AARD: variants seen among roughly 807,000 people sequenced by gnomAD.
AARD encodes alanine and arginine rich domain containing protein, also known as alanine- and arginine-rich domain-containing protein.
In AARD, 9 loss-of-function variants were observed where a neutral mutation model predicts 9.3. That is an observed-to-expected ratio of 0.97 (90% CI 0.58 to 1.69). The LOEUF (loss-of-function observed/expected upper bound fraction) is 1.69, where lower values mean the gene tolerates loss of function less well. Ranked by LOEUF, AARD falls within the 40% of genes most tolerant of loss-of-function variation. The pLI is 0.00. For missense variants in AARD, 236 were observed against 210.3 expected (o/e 1.12, Z -0.76); for synonymous variants, 91 against 93.8 (o/e 0.97, Z 0.17).
chr8:116,944,028 A>C lies in AARD; in HGVS notation c.*1327A>C, dbSNP rs969633316. 6.6e-6 allele frequency: 1 copy of C among 152,250 alleles called. No individual in the cohort carries two copies. Among genetic ancestry groups the C allele is most frequent in the Non-Finnish European group, 1.5e-5 (1 of 68,042 alleles). 9.4% of individuals were successfully genotyped at this position (152,250 alleles called of 1,614,324 possible). A position where few individuals can be genotyped will look rare whatever the true frequency, so the allele number is the denominator to read the frequency against. ...GATATTTATAATGGTTATTGTCTGC[A>C]AAATACAAATTAATTTATAACAAGC... On this transcript the variant is annotated 3_prime_UTR_variant, in exon 2 of 2. Coordinates refer to ENST00000378279, the MANE Select transcript of AARD (RefSeq NM_001025357.3).
chr8:116,939,170 A>C (rs1300172983), intron 1 of AARD, among the ~76,000 whole-genome samples: 1 of 152,216 alleles, frequency 6.6e-6, no homozygotes, highest in Non-Finnish European at 1.5e-5. Flanking sequence ...AATAGGAGCA[A>C]TCAGACTTTA....
At chr8:116,941,442 G>C (rs1462066808) in intron 1 of AARD, among the ~76,000 whole-genome samples, 2 of 152,196 alleles carry the variant, frequency 1.3e-5, no homozygotes, top group African/African-American at 4.8e-5. Context: ...AGGAAAGGAA[G>C]CTCAAAGTAG....
chr8:116,938,464 C>T lies in AARD; in HGVS notation c.221C>T (p.Ala74Val), dbSNP rs1813700402. The T allele has an allele frequency of 3.8e-6, 6 of 1,594,726 alleles. No individual in the cohort carries two copies. The highest frequency in any genetic ancestry group is 5.1e-6 in the Non-Finnish European group (6 of 1,171,916). Residue 74 changes from alanine (A) to valine (V), a missense_variant, in exon 1 of 2, where the codon GCG (alanine) becomes GTG (valine). Ala to Val is a moderately conservative substitution (Grantham distance 64, BLOSUM62 0). Transcript: ENST00000378279. Reference protein sequence around the residue: ...TRAFQWAVQRAISRRVQEAAA... With the variant: ...TRAFQWAVQRVISRRVQEAAA... ...GCCTTCCAGTGGGCGGTGCAGCGCG[C>T]GATCTCGAGGCGCGTGCAGGAGGCG...
In AARD at chr8:116,938,390, C is replaced by T. The variant is rs1186116583; in HGVS notation, c.147C>T (p.Ala49=). 1 of 1,612,434 alleles carries T rather than the reference C, an allele frequency of 6.2e-7. No individual in the cohort carries two copies. Among genetic ancestry groups the T allele is most frequent in the South Asian group, 1.1e-5 (1 of 90,998 alleles). The change falls in exon 1 of 2, where the codon GCC becomes GCT. Residue 49 remains alanine (A), a synonymous_variant. Transcript: ENST00000378279. ...GGAGCACGGACATCCAGGAGGAGGC[C>T]CTCGCCGCCAGCCCGCTGCTGGAGG... ...DGRSTDIQEE[A]LAASPLLEDL...
chr8:116,944,458 A>T lies in AARD; in HGVS notation c.*1757A>T, dbSNP rs912579178. On this transcript the variant is annotated 3_prime_UTR_variant, in exon 2 of 2. Transcript: ENST00000378279. Reference sequence around the variant, plus strand: ...GAAAAAATAAATAAATAATAAAAATAAAATAAATGCAAGTTGTTTTATGTG... The same window carrying T: ...GAAAAAATAAATAAATAATAAAAATTAAATAAATGCAAGTTGTTTTATGTG... 2.0e-5 allele frequency: 3 copies of T among 152,198 alleles called. No individual in the cohort carries two copies. The highest frequency in any genetic ancestry group is 4.4e-5 in the Non-Finnish European group (3 of 68,038). The allele number at this position is 152,198 out of a possible 1,614,324, so 9.4% of individuals were successfully genotyped here. A position where few individuals can be genotyped will look rare whatever the true frequency, so the allele number is the denominator to read the frequency against.
chr8:116,939,814 C>T, intron 1 of AARD, among the ~76,000 whole-genome samples: 1 of 152,294 alleles, frequency 6.6e-6, no homozygotes, highest in South Asian at 2.1e-4. Context: ...CCTCATTCGG[C>T]CACTGGAGGC....
chr8:116,939,322 C>G (rs1197286242), intron 1 of AARD, among the ~76,000 whole-genome samples: 1 of 152,158 alleles, frequency 6.6e-6, no homozygotes, highest in Admixed American at 6.5e-5. Flanking sequence ...AATGTTATCG[C>G]ATTTCTAAGT....
At chr8:116,940,104 T>C (rs1325720637) in intron 1 of AARD, among the ~76,000 whole-genome samples, 2 of 152,194 alleles carry the variant, frequency 1.3e-5, no homozygotes, top group Non-Finnish European at 2.9e-5. Flanking sequence ...AGACCGCTGG[T>C]GGCAATAAAA....
chr8:116,938,294 C>T lies in AARD; in HGVS notation c.51C>T (p.Leu17=). The stretch of plus-strand genomic sequence containing the variant: ...GCAGAGAGAGAATTTCCCAGGGGCT[C>T]CAGGGACTCCCAGGTAGAGCGGAGC... ...RRCRERISQG[L]QGLPGRAELW... Residue 17 remains leucine, a synonymous_variant, in exon 1 of 2, where the codon CTC becomes CTT. Coordinates refer to ENST00000378279, the MANE Select transcript of AARD (RefSeq NM_001025357.3). 2 of 1,608,994 alleles carry T rather than the reference C, an allele frequency of 1.2e-6. No homozygotes were observed. The highest frequency in any genetic ancestry group is 1.7e-6 in the Non-Finnish European group (2 of 1,178,292).
chr8:116,942,479 T>C, intron 1 of AARD, 79 bp from the exon 2 acceptor site: 1 of 1,227,304 alleles, frequency 8.1e-7, no homozygotes, highest in Non-Finnish European at 1.1e-6. Context: ...ACTTCTTATT[T>C]CTTCTGTGTA....
chr8:116,942,261 G>A (rs1015843709), intron 1 of AARD, among the ~76,000 whole-genome samples: 1 of 152,170 alleles, frequency 6.6e-6, no homozygotes, highest in Admixed American at 6.5e-5. Flanking sequence ...CTTGAAAACA[G>A]CCTTCGGTGC....
At chr8:116,941,535 T>C (rs1469114793) in intron 1 of AARD, among the ~76,000 whole-genome samples, 1 of 152,206 alleles carries the variant, frequency 6.6e-6, no homozygotes, top group Non-Finnish European at 1.5e-5. Context: ...GTTGTGGTGG[T>C]TGTGTGGTTA....
chr8:116,939,748 C>G (rs75081362), intron 1 of AARD, among the ~76,000 whole-genome samples: 1 of 152,320 alleles, frequency 6.6e-6, no homozygotes, highest in East Asian at 1.9e-4. Flanking sequence ...AAAGAAACAC[C>G]TGGTTTTCAC....
rs1180478416 is a variant in AARD at position 116,938,509 on chromosome 8, G to C, written c.266G>C (p.Arg89Pro). 6.6e-7 allele frequency: 1 copy of C among 1,523,466 alleles called. No individual in the cohort carries two copies. The highest frequency in any genetic ancestry group is 8.8e-7 in the Non-Finnish European group (1 of 1,141,392). 94.4% of individuals were successfully genotyped at this position (1,523,466 alleles called of 1,614,324 possible). The change falls in exon 1 of 2, where the codon CGG becomes CCG. Residue 89 changes from arginine to proline, a missense_variant. Arg to Pro is a moderately radical substitution (Grantham distance 103). Coordinates refer to ENST00000378279, the MANE Select transcript of AARD (RefSeq NM_001025357.3). ...VQEAAAAAAA[R>P]EEQSWTGVEA... ...GAGGCGGCGGCGGCGGCGGCGGCGC[G>C]GGAGGAGCAGAGCTGGACGGGCGTT...
intron 1 of AARD, chr8:116,938,797 C>G (rs1813710196): frequency 1.8e-6 from 1 of 540,584 alleles, no homozygotes; most frequent in Admixed American, 4.3e-5. Context: ...GTGACATACC[C>G]AAGATGTCTC....
rs1813776339 is a variant in AARD, at chr8:116,943,853, T to C, written c.*1152T>C. On this transcript the variant is annotated 3_prime_UTR_variant, in exon 2 of 2. Coordinates refer to ENST00000378279, the MANE Select transcript of AARD (RefSeq NM_001025357.3). ...AAATTCAAGCTGGAGTTTCATGACTTGTATCTAGTGTTCATAACTAATACA... is the reference window on the plus strand; with the variant it reads ...AAATTCAAGCTGGAGTTTCATGACTCGTATCTAGTGTTCATAACTAATACA... 1 of 152,222 alleles carries C rather than the reference T, an allele frequency of 6.6e-6. No individual in the cohort carries two copies. Among genetic ancestry groups the C allele is most frequent in the African/African-American group, 2.4e-5 (1 of 41,460 alleles). 9.4% of individuals were successfully genotyped at this position (152,222 alleles called of 1,614,324 possible).
At chr8:116,942,412 C>A in intron 1 of AARD, 146 bp from the exon 2 acceptor site, 2 of 748,296 alleles carry the variant, frequency 2.7e-6, no homozygotes, top group Non-Finnish European at 4.0e-6. Flanking sequence ...ACAGTTAAAA[C>A]TGGAGAATAA....
intron 1 of AARD, among the ~76,000 whole-genome samples, chr8:116,941,664 A>G (rs752274468): frequency 7.2e-5 from 11 of 152,240 alleles, no homozygotes; most frequent in African/African-American, 1.9e-4. Flanking sequence ...AAACTGAAAG[A>G]TAATTTTATC....
chr8:116,942,038 T>C (rs1157762257), intron 1 of AARD, among the ~76,000 whole-genome samples: 1 of 152,174 alleles, frequency 6.6e-6, no homozygotes, highest in Non-Finnish European at 1.5e-5. Context: ...AAATGTTAGA[T>C]TATATAAGTA....
Sources: gnomAD v4.1 joint callset for allele counts (sites outside exome capture counted in the v4.1 genomes callset) on GRCh38, gnomAD v4.1.1 for gene constraint, MANE v1.5 for transcripts, NCBI Gene and HGNC (gene_info 2026-07-23, HGNC 2026-07-21) for gene names.